Variants in COX16 observed in about 807,000 individuals in gnomAD.
The protein encoded by COX16 is cytochrome c oxidase assembly protein COX16 homolog, mitochondrial.
In COX16, 12 loss-of-function variants were observed where a neutral mutation model predicts 15.4. The observed-to-expected ratio is 0.78, with a 90% CI of 0.50 to 1.26. COX16 has a LOEUF of 1.26. Among genes scored for constraint, COX16 ranks in the 50% most tolerant of loss-of-function variants. The probability of loss-of-function intolerance (pLI) is 0.00; values close to 1 mark genes in which losing one functional copy is unlikely to be tolerated. For synonymous variants in COX16, 46 were observed against 41.1 expected (o/e 1.12, Z -0.46); for missense variants, 124 against 127.6 (o/e 0.97, Z 0.14).
At chr14:70,337,763 TAAAG>T (rs1260517263) in intron 2 of COX16, among the ~76,000 whole-genome samples, 1 of 152,084 alleles carries the variant, frequency 6.6e-6, no homozygotes, top group African/African-American at 2.4e-5. Flanking sequence ...GAATGTGTAA[TAAAG>T]AATTAAATGC....
chr14:70,326,704 C>T (rs911068042), intron 3 of COX16, among the ~76,000 whole-genome samples: 5 of 152,146 alleles, frequency 3.3e-5, no homozygotes, highest in African/African-American at 1.2e-4. Flanking sequence ...AAAGAGTCTA[C>T]ATGCCTTATT....
Position 70,328,078 on chromosome 14 carries a change from T to TTTTTTTTTTTTTTTTTTTTG in COX16, c.204+1076_204+1095dup. The TTTTTTTTTTTTTTTTTTTTG allele has an allele frequency of 3.3e-5, 2 of 60,760 alleles. 1 individual carries two copies. Among genetic ancestry groups the TTTTTTTTTTTTTTTTTTTTG allele is most frequent in the African/African-American group, 1.3e-4 (2 of 15,248 alleles). The allele number at this position is 60,760 out of a possible 1,614,324, so 3.8% of individuals were successfully genotyped here. A position where few individuals can be genotyped will look rare whatever the true frequency, so the allele number is the denominator to read the frequency against. Reference sequence around the variant, plus strand: ...AATTATGCCTGAGAATAAGATTTTTTTTTTTTTTTTTTTTTTTTTGAGACG... The same window carrying TTTTTTTTTTTTTTTTTTTTG: ...AATTATGCCTGAGAATAAGATTTTTTTTTTTTTTTTTTTTTTTTTGTTTTTTTTTTTTTTTTTTTGAGACG... On this transcript the variant is annotated intron_variant, in intron 3 of 3. Transcript: ENST00000389912.
At chr14:70,327,153 T>TA (rs1886106383) in intron 3 of COX16, among the ~76,000 whole-genome samples, 3 of 151,644 alleles carry the variant, frequency 2.0e-5, no homozygotes, top group African/African-American at 7.3e-5. Flanking sequence ...TTGAGTAAGA[T>TA]GGAAAAAAAA....
At chr14:70,351,108 C>A (rs1886939674) in intron 1 of COX16, among the ~76,000 whole-genome samples, 1 of 152,076 alleles carries the variant, frequency 6.6e-6, no homozygotes, top group African/African-American at 2.4e-5. Flanking sequence ...GGTAGGGAGC[C>A]CTCATTAGGG....
At chr14:70,329,364 C>A in intron 2 of COX16, 128 bp from the exon 3 acceptor site, 12 of 650,826 alleles carry the variant, frequency 1.8e-5, no homozygotes, top group East Asian at 3.4e-5. Flanking sequence ...AAATCTCCAC[C>A]ATCTACTCTG....
At position 70,326,341 on chromosome 14, in the gene COX16, T is replaced by TCTTAGTCTTA. The variant is rs780247627; in HGVS notation, c.303_312dup (p.Thr105Ter). ...AAAAAGAATCAGCAGAGTCAAGTTG[T>TCTTAGTCTTA]CTTAGTCTTAAGGCTTTCTGGATTT... On this transcript the variant is annotated stop_gained and frameshift_variant, in exon 4 of 4. Coordinates refer to ENST00000389912, the MANE Select transcript of COX16 (RefSeq NM_016468.7). LOFTEE classifies it high-confidence loss of function. The TCTTAGTCTTA allele has an allele frequency of 1.2e-5, 18 of 1,520,244 alleles. No homozygotes were observed. Among genetic ancestry groups the TCTTAGTCTTA allele is most frequent in the Non-Finnish European group, 1.8e-6 (2 of 1,135,326 alleles). The allele number at this position is 1,520,244 out of a possible 1,614,324, so 94.2% of individuals were successfully genotyped here.
chr14:70,326,526 A>ATGAATAAATGAGTAGAAAGTATC (rs1300240399), intron 3 of COX16, 77 bp from the exon 4 acceptor site: 15 of 1,081,704 alleles, frequency 1.4e-5, no homozygotes, highest in African/African-American at 1.7e-5. Context: ...AACTAACTCA[A>ATGAATAAATGAGTAGAAAGTATC]TGAATAAATG....
intron 2 of COX16, among the ~76,000 whole-genome samples, chr14:70,340,690 A>G (rs1405537837): frequency 1.3e-5 from 2 of 152,140 alleles, no homozygotes; most frequent in African/African-American, 4.8e-5. Flanking sequence ...TGCTCCCCCA[A>G]TACCCATCCA....
At chr14:70,338,957 C>G (rs531959644) in intron 2 of COX16, among the ~76,000 whole-genome samples, 1 of 152,274 alleles carries the variant, frequency 6.6e-6, no homozygotes, top group African/African-American at 2.4e-5. Flanking sequence ...TTCCATATGT[C>G]ATTAAAGTAA....
chr14:70,359,142 G>A, intron 1 of COX16: 1 of 461,728 alleles, frequency 2.2e-6, no homozygotes, highest in Non-Finnish European at 4.3e-6. Context: ...TGGGGGCGAG[G>A]AAGCAAGCTT....
Position 70,326,386 on chromosome 14 carries a change from G to A in COX16, c.268C>T (p.Pro90Ser). ...GGATTTCTTCCTTGGAGGAGGTCAG[G>A]ATCTTCCCAAGGCCTGGGTCCTCGA... ...NIRGPRPWEDPDLLQGRNPES... is the reference protein window; with the variant it reads ...NIRGPRPWEDSDLLQGRNPES... Residue 90 changes from proline (P) to serine (S), a missense_variant, in exon 4 of 4, where the codon CCT becomes TCT. By Grantham distance (74) the Pro-to-Ser change is moderately conservative. Coordinates refer to ENST00000389912, the MANE Select transcript of COX16 (RefSeq NM_016468.7). 6.3e-7 allele frequency: 1 copy of A among 1,599,158 alleles called. No individual in the cohort carries two copies. The highest frequency in any genetic ancestry group is 8.5e-7 in the Non-Finnish European group (1 of 1,172,258).
At chr14:70,347,611 T>C (rs1293409444) in intron 1 of COX16, among the ~76,000 whole-genome samples, 2 of 152,178 alleles carry the variant, frequency 1.3e-5, no homozygotes, top group African/African-American at 4.8e-5. Flanking sequence ...GATCTGCTCC[T>C]GTGTAGCCCC....
intron 1 of COX16, among the ~76,000 whole-genome samples, chr14:70,346,906 A>G (rs940264994): frequency 6.6e-6 from 1 of 151,920 alleles, no homozygotes; most frequent in Non-Finnish European, 1.5e-5. Context: ...CTCCACTTGC[A>G]CATTCCCCAT....
intron 1 of COX16, among the ~76,000 whole-genome samples, chr14:70,350,199 C>A (rs1250942447): frequency 6.6e-6 from 1 of 152,090 alleles, no homozygotes; most frequent in African/African-American, 2.4e-5. Context: ...CAGCAGGGTG[C>A]GCCAGGAAGA....
At chr14:70,348,100 C>A (rs1433885823) in intron 1 of COX16, among the ~76,000 whole-genome samples, 3 of 152,150 alleles carry the variant, frequency 2.0e-5, no homozygotes, top group African/African-American at 7.2e-5. Context: ...GACCCACCCT[C>A]CAGGTTATCG....
intron 1 of COX16, among the ~76,000 whole-genome samples, chr14:70,345,451 G>A (rs1445531201): frequency 6.6e-6 from 1 of 152,132 alleles, no homozygotes; most frequent in East Asian, 1.9e-4. Context: ...CCTACCCTCT[G>A]TTATGGGAAA....
chr14:70,351,665 A>G (rs996292736), intron 1 of COX16, among the ~76,000 whole-genome samples: 3 of 152,180 alleles, frequency 2.0e-5, no homozygotes, highest in Admixed American at 2.0e-4. Flanking sequence ...ATTAAAGTAT[A>G]TTGTATGCAG....
intron 1 of COX16, among the ~76,000 whole-genome samples, chr14:70,349,556 C>A (rs1886882965): frequency 6.6e-6 from 1 of 152,208 alleles, no homozygotes; most frequent in Non-Finnish European, 1.5e-5. Context: ...ACACACCCTA[C>A]AGGCCTCAAT....
At chr14:70,337,037 A>G (rs998839189) in intron 2 of COX16, among the ~76,000 whole-genome samples, 1 of 152,164 alleles carries the variant, frequency 6.6e-6, no homozygotes, top group African/African-American at 2.4e-5. Context: ...CACCTGGTAA[A>G]CCCATAGGAT....
Sources: gnomAD v4.1 joint callset for allele counts (sites outside exome capture counted in the v4.1 genomes callset) on GRCh38, gnomAD v4.1.1 for gene constraint, MANE v1.5 for transcripts, NCBI Gene and HGNC (gene_info 2026-07-23, HGNC 2026-07-21) for gene names.